The following KCNH1 variants were observed in gnomAD, a reference collection of about 807,000 sequenced individuals.
KCNH1 encodes the protein voltage-gated delayed rectifier potassium channel KCNH1.
Under a neutral mutation model 69.2 loss-of-function variants are expected in KCNH1, and 27 were observed. The ratio of observed to expected loss-of-function variants is 0.39; its 90% CI spans 0.29 to 0.54. The LOEUF (loss-of-function observed/expected upper bound fraction) is 0.54, where lower values mean the gene tolerates loss of function less well. Among genes scored for constraint, KCNH1 ranks in the 20% least tolerant of loss-of-function variants. KCNH1 has a pLI of 0.68. For missense variants in KCNH1, 798 were observed against 1,261.6 expected (o/e 0.63, Z 5.57); for synonymous variants, 456 against 487.7 (o/e 0.93, Z 0.86).
intron 7 of KCNH1, among the ~76,000 whole-genome samples, chr1:210,855,322 G>A (rs538914914): frequency 1.3e-5 from 2 of 152,270 alleles, no homozygotes; most frequent in African/African-American, 4.8e-5. Flanking sequence ...CATGAACCCA[G>A]CCTTTCTTAA....
At chr1:210,956,542 T>TG (rs1054139302) in intron 6 of KCNH1, among the ~76,000 whole-genome samples, 1 of 151,470 alleles carries the variant, frequency 6.6e-6, no homozygotes, top group African/African-American at 2.4e-5. Flanking sequence ...TGGAGTTTTT[T>TG]TTTTTTTTTT....
At chr1:211,034,616 C>T (rs1302697932) in intron 5 of KCNH1, among the ~76,000 whole-genome samples, 1 of 152,110 alleles carries the variant, frequency 6.6e-6, no homozygotes, top group Non-Finnish European at 1.5e-5. Flanking sequence ...TCGTTTCTTA[C>T]AACTCTATAT....
intron 1 of KCNH1, among the ~76,000 whole-genome samples, chr1:211,112,144 G>A (rs1181364008): frequency 9.2e-5 from 10 of 108,314 alleles, no homozygotes; most frequent in South Asian, 3.8e-4. Context: ...AAGTTGGAGC[G>A]CCTCTGCCCC....
In KCNH1 at chr1:210,944,592, G is replaced by A. The variant is rs537276453; in HGVS notation, c.1033-24523C>T. On this transcript the variant is annotated intron_variant, in intron 6 of 10. Coordinates refer to ENST00000271751, the MANE Select transcript of KCNH1 (RefSeq NM_172362.3). ...CCACACCCCTTCTCTTACAGATAAG[G>A]AACCAGAAGTGCAGGGAAGGGTGCC... Among the ~76,000 whole-genome samples, 3 of 152,324 alleles carry A rather than the reference G, an allele frequency of 2.0e-5. No homozygotes were observed. In the East Asian group the frequency reaches 5.8e-4, roughly 29 times the overall value.
intron 5 of KCNH1, among the ~76,000 whole-genome samples, chr1:211,056,146 G>A (rs761686962): frequency 3.3e-5 from 5 of 152,210 alleles, no homozygotes; most frequent in Non-Finnish European, 7.3e-5. Flanking sequence ...TTTGGCCCCT[G>A]GACCTGCCCT....
chr1:210,904,901 G>A (rs1256641881), intron 7 of KCNH1, among the ~76,000 whole-genome samples: 1 of 152,104 alleles, frequency 6.6e-6, no homozygotes, highest in African/African-American at 2.4e-5. Flanking sequence ...CTAGCTTTGG[G>A]AACTTTTCAA....
chr1:210,834,740 G>A (rs2102444543), intron 7 of KCNH1, among the ~76,000 whole-genome samples: 1 of 151,810 alleles, frequency 6.6e-6, no homozygotes, highest in South Asian at 2.1e-4. Flanking sequence ...GGTATTAAGA[G>A]GTAGGGCCTT....
At chr1:211,059,614 G>T (rs553110815) in intron 5 of KCNH1, among the ~76,000 whole-genome samples, 4 of 152,028 alleles carry the variant, frequency 2.6e-5, no homozygotes, top group Non-Finnish European at 4.4e-5. Flanking sequence ...GTGGTGGTGG[G>T]CACCTGTAGT....
intron 5 of KCNH1, among the ~76,000 whole-genome samples, chr1:211,049,912 A>G (rs1457046817): frequency 6.6e-6 from 1 of 152,150 alleles, no homozygotes; most frequent in Non-Finnish European, 1.5e-5. Flanking sequence ...ATCTCCCTGG[A>G]CAGTGGCAGC....
At chr1:210,922,038 A>G (rs116740906) in intron 6 of KCNH1, among the ~76,000 whole-genome samples, 17 of 152,070 alleles carry the variant, frequency 1.1e-4, no homozygotes, top group African/African-American at 3.1e-4. Context: ...CACACAAATT[A>G]CTTTTGTTGA....
chr1:210,781,034 G>A (rs1683969987), intron 9 of KCNH1, among the ~76,000 whole-genome samples: 5 of 152,208 alleles, frequency 3.3e-5, no homozygotes, highest in East Asian at 1.9e-4. Flanking sequence ...ATGACAGAGC[G>A]AGACTCCGTT....
At chr1:210,740,731 T>TTTTTTTTTTTTTTTG (rs1558449289) in intron 10 of KCNH1, among the ~76,000 whole-genome samples, 25 of 119,564 alleles carry the variant, frequency 2.1e-4, no homozygotes, top group African/African-American at 8.5e-4. Flanking sequence ...TTTTTTTTTT[T>TTTTTTTTTTTTTTTG]TACTAAAAGA....
At chr1:211,130,156 C>A (rs1424816089) in intron 1 of KCNH1, among the ~76,000 whole-genome samples, 1 of 152,168 alleles carries the variant, frequency 6.6e-6, no homozygotes, top group East Asian at 1.9e-4. Flanking sequence ...GAGAAACAGG[C>A]TGGTTTTGCC....
intron 5 of KCNH1, among the ~76,000 whole-genome samples, chr1:211,021,627 A>G (rs372814883): frequency 2.0e-5 from 3 of 151,974 alleles, no homozygotes; most frequent in African/African-American, 7.3e-5. Context: ...AAACAAATTC[A>G]CTAACGTTGC....
intron 7 of KCNH1, among the ~76,000 whole-genome samples, chr1:210,852,510 A>G (rs1452803688): frequency 6.6e-6 from 1 of 152,066 alleles, no homozygotes; most frequent in Non-Finnish European, 1.5e-5. Flanking sequence ...GAAGCCTTCT[A>G]TTTTAATGAT....
intron 7 of KCNH1, among the ~76,000 whole-genome samples, chr1:210,846,587 G>T (rs1212206067): frequency 2.6e-5 from 4 of 152,184 alleles, no homozygotes; most frequent in Non-Finnish European, 4.4e-5. Context: ...ATTCAAGATG[G>T]ATTAAAGACT....
chr1:210,811,462 C>A (rs530164193), intron 7 of KCNH1, among the ~76,000 whole-genome samples: 1 of 152,036 alleles, frequency 6.6e-6, no homozygotes, highest in African/African-American at 2.4e-5. Flanking sequence ...TGGGGTCTAC[C>A]AAGTCATTCA....
At chr1:210,846,569 A>G (rs1685553955) in intron 7 of KCNH1, among the ~76,000 whole-genome samples, 1 of 152,222 alleles carries the variant, frequency 6.6e-6, no homozygotes, top group East Asian at 1.9e-4. Flanking sequence ...CACCTTACAC[A>G]AAAATTAATT....
At chr1:210,858,504 T>C (rs1177348458) in intron 7 of KCNH1, 1 of 152,196 alleles carries the variant, frequency 6.6e-6, no homozygotes, top group Non-Finnish European at 1.5e-5. Context: ...ACAGCAAACA[T>C]TTTGCTATTT....
Sources: gnomAD v4.1 joint callset for allele counts (sites outside exome capture counted in the v4.1 genomes callset) on GRCh38, gnomAD v4.1.1 for gene constraint, MANE v1.5 for transcripts, NCBI Gene and HGNC (gene_info 2026-07-23, HGNC 2026-07-21) for gene names.